Variants in DBNDD1 observed in about 807,000 individuals in gnomAD.
The protein encoded by DBNDD1 is dysbindin domain-containing protein 1.
A neutral mutation model predicts 17.0 loss-of-function variants in DBNDD1; 14 were observed. That is an observed-to-expected ratio of 0.82 (90% CI 0.54 to 1.29). The LOEUF (loss-of-function observed/expected upper bound fraction) is 1.29. DBNDD1 is among the 50% of genes most tolerant of loss of function. The pLI is 0.00. For synonymous variants in DBNDD1, 105 were observed against 102.0 expected (o/e 1.03, Z -0.18); for missense variants, 221 against 216.2 (o/e 1.02, Z -0.14).
Position 90,019,343 on chromosome 16 carries a change from C to A in DBNDD1, c.-2G>T, listed in dbSNP as rs986131188. On this transcript the variant is annotated 5_prime_UTR_variant, in exon 1 of 4. Coordinates refer to ENST00000002501, the MANE Select transcript of DBNDD1 (RefSeq NM_001042610.3). The surrounding 1 kb of genome is among the most constrained non-coding windows in gnomAD (Gnocchi z 6.1). ...GCCGGCGCCCTCCGGGGGCTCCATGCGGCCGGTGCGGTCTGGGAGGGGCAC... is the reference window on the plus strand; with the variant it reads ...GCCGGCGCCCTCCGGGGGCTCCATGAGGCCGGTGCGGTCTGGGAGGGGCAC... The A allele has an allele frequency of 4.1e-6, 5 of 1,209,706 alleles. No individual in the cohort carries two copies. In the African/African-American group the frequency reaches 6.3e-5, roughly 15 times the overall value. 74.9% of individuals were successfully genotyped at this position (1,209,706 alleles called of 1,614,324 possible).
chr16:90,016,592 C>T (rs1246133418), intron 1 of DBNDD1, among the ~76,000 whole-genome samples: 1 of 152,166 alleles, frequency 6.6e-6, no homozygotes, highest in African/African-American at 2.4e-5. Context: ...CTGGTGCCCT[C>T]GCTGATGAGT....
intron 1 of DBNDD1, among the ~76,000 whole-genome samples, chr16:90,011,971 A>G (rs1597581308): frequency 1.3e-5 from 2 of 152,332 alleles, no homozygotes; most frequent in African/African-American, 4.8e-5. Context: ...GAGACAGTGT[A>G]GACCAAAGCC....
intron 1 of DBNDD1, among the ~76,000 whole-genome samples, chr16:90,016,744 T>G (rs893592209): frequency 8.5e-5 from 13 of 152,202 alleles, no homozygotes; most frequent in African/African-American, 2.9e-4. Flanking sequence ...ACTGGGAAAC[T>G]TGGCCCAAAT....
intron 1 of DBNDD1, chr16:90,011,531 A>T: frequency 2.5e-6 from 1 of 393,730 alleles, no homozygotes; most frequent in Non-Finnish European, 5.2e-6. Flanking sequence ...CTGTGGCCTG[A>T]CAGTGTCCCC....
chr16:90,005,347 AAGCATTGGGAGGGTGTG>A lies in DBNDD1; in HGVS notation c.*971_*987del, dbSNP rs2151257807. ...GCCCATTCTGTGAGCTTCAGCATAT[AAGCATTGGGAGGGTGTG>A]AGCTGGGGCTCCCAGACACCCCCAG... On this transcript the variant is annotated 3_prime_UTR_variant, in exon 4 of 4. Transcript: ENST00000002501. 1 of 152,370 alleles carries A rather than the reference AAGCATTGGGAGGGTGTG, an allele frequency of 6.6e-6. No individual in the cohort carries two copies. Among genetic ancestry groups the A allele is most frequent in the South Asian group, 2.1e-4 (1 of 4,826 alleles). The allele number at this position is 152,370 out of a possible 1,614,324, so 9.4% of individuals were successfully genotyped here.
chr16:90,011,598 G>A (rs1190374475), intron 1 of DBNDD1: 4 of 450,080 alleles, frequency 8.9e-6, no homozygotes, highest in African/African-American at 8.0e-5. Context: ...TGTCTGAGAA[G>A]CCGAGTGCTG....
chr16:90,009,556 G>A, intron 1 of DBNDD1, 126 bp from the exon 2 acceptor site: 1 of 1,424,210 alleles, frequency 7.0e-7, no homozygotes, highest in Non-Finnish European at 9.6e-7. Flanking sequence ...ACCAGCAGGT[G>A]ATGGGATGGC....
chr16:90,013,907 G>C (rs1304482498), intron 1 of DBNDD1, among the ~76,000 whole-genome samples: 2 of 144,438 alleles, frequency 1.4e-5, no homozygotes, highest in Non-Finnish European at 3.0e-5. Context: ...AGGTGGGAGG[G>C]AGCCGTGTGA....
At position 90,006,518 on chromosome 16, in the gene DBNDD1, C is replaced by T. The variant is rs112386657; in HGVS notation, c.320-26G>A. 4.3e-3 allele frequency: 6,920 copies of T among 1,590,894 alleles called. 249 individuals are homozygous for T. In the African/African-American group the frequency reaches 0.08, roughly 18 times the overall value. ...CTAGGGGCATGCGGGAAGGGGAACT[C>T]GGTGTGGCTGAGAGGCCTGGGTGGA... On this transcript the variant is annotated intron_variant, in intron 3 of 3. Coordinates refer to ENST00000002501, the MANE Select transcript of DBNDD1 (RefSeq NM_001042610.3).
At chr16:90,018,323 A>G (rs141143511) in intron 1 of DBNDD1, among the ~76,000 whole-genome samples, 2 of 152,332 alleles carry the variant, frequency 1.3e-5, no homozygotes, top group African/African-American at 4.8e-5. Flanking sequence ...TTGTCCCTAT[A>G]CCTTGGACTG....
intron 1 of DBNDD1, among the ~76,000 whole-genome samples, chr16:90,012,992 C>A (rs1440100638): frequency 6.6e-6 from 1 of 151,846 alleles, no homozygotes; most frequent in Non-Finnish European, 1.5e-5. Context: ...ACACCCTGGC[C>A]TCCCACCCCC....
intron 1 of DBNDD1, among the ~76,000 whole-genome samples, chr16:90,012,362 C>A (rs2035568632): frequency 6.6e-6 from 1 of 152,196 alleles, no homozygotes; most frequent in Admixed American, 6.5e-5. Flanking sequence ...TCCATGGACA[C>A]CCTTACCCCA....
chr16:90,011,583 C>T (rs2035555623), intron 1 of DBNDD1: 1 of 444,790 alleles, frequency 2.2e-6, no homozygotes, highest in African/African-American at 2.0e-5. Context: ...GGCCCACCTG[C>T]CTCCTGTCTG....
chr16:90,009,598 A>T, intron 1 of DBNDD1, 168 bp from the exon 2 acceptor site: 1 of 1,051,728 alleles, frequency 9.5e-7, no homozygotes, highest in Non-Finnish European at 1.4e-6. Flanking sequence ...GGACCCAGAC[A>T]AGGGGTTGAG....
intron 3 of DBNDD1, 102 bp downstream of exon 3, chr16:90,008,682 G>A (rs11641848): frequency 7.0e-6 from 5 of 717,154 alleles, no homozygotes; most frequent in South Asian, 2.1e-5. Flanking sequence ...CTCCCAGGAC[G>A]TCCCAAGGGC....
In DBNDD1 at chr16:90,005,175, C is replaced by T. The variant is rs918005356; in HGVS notation, c.*1160G>A. 6.6e-6 allele frequency: 1 copy of T among 152,344 alleles called. No homozygotes were observed. Among genetic ancestry groups the T allele is most frequent in the Non-Finnish European group, 1.5e-5 (1 of 68,100 alleles). The allele number at this position is 152,344 out of a possible 1,614,324, so 9.4% of individuals were successfully genotyped here. On this transcript the variant is annotated 3_prime_UTR_variant, in exon 4 of 4. Coordinates refer to ENST00000002501, the MANE Select transcript of DBNDD1 (RefSeq NM_001042610.3). Reference sequence around the variant, plus strand: ...GCATGCCTGGGGCATCTCCAAAGCTCTGCTGAGAGTGAAGGCCAGGAGCCT... The same window carrying T: ...GCATGCCTGGGGCATCTCCAAAGCTTTGCTGAGAGTGAAGGCCAGGAGCCT...
intron 1 of DBNDD1, 36 bp from the exon 2 acceptor site, chr16:90,009,466 C>T: frequency 6.2e-7 from 1 of 1,603,066 alleles, no homozygotes. Context: ...TTGAGATCCA[C>T]AGGGCTCCCA....
chr16:90,015,255 T>G (rs2035620891), intron 1 of DBNDD1, among the ~76,000 whole-genome samples: 1 of 152,106 alleles, frequency 6.6e-6, no homozygotes, highest in Non-Finnish European at 1.5e-5. Context: ...GGACACGAAT[T>G]TTTTGGCCAG....
intron 2 of DBNDD1, 61 bp from the exon 3 acceptor site, chr16:90,008,985 G>C: frequency 6.7e-7 from 1 of 1,487,290 alleles, no homozygotes; most frequent in East Asian, 2.5e-5. Context: ...TCAGAGCCCC[G>C]GGGGTCTAGG....
Sources: gnomAD v4.1 joint callset for allele counts (sites outside exome capture counted in the v4.1 genomes callset) on GRCh38, gnomAD v4.1.1 for gene constraint, Gnocchi (gnomAD v3.1) non-coding constraint, MANE v1.5 for transcripts, NCBI Gene and HGNC (gene_info 2026-07-23, HGNC 2026-07-21) for gene names.